The following NOTCH1 variants were observed in gnomAD, a reference collection of about 807,000 sequenced individuals.
NOTCH1 encodes notch receptor 1.
Under a neutral mutation model 254.8 loss-of-function variants are expected in NOTCH1, and 37 were observed. The observed-to-expected ratio is 0.15, with a 90% CI of 0.11 to 0.19. The LOEUF is 0.19. Ranked by LOEUF, NOTCH1 falls within the 10% of genes least tolerant of loss-of-function variation. The pLI, the probability that NOTCH1 is intolerant of heterozygous loss-of-function variation, is 1.00. For missense variants in NOTCH1, 2,972 were observed against 3,708.6 expected (o/e 0.80, Z 5.16); for synonymous variants, 1,731 against 1,618.1 (o/e 1.07, Z -1.68).
In NOTCH1 at chr9:136,509,749, G is replaced by A. The variant is rs2133350327; in HGVS notation, c.2953C>T (p.Pro985Ser). The stretch of plus-strand genomic sequence containing the variant: ...CCCGCACACCTCTCTGTGCAGTCAG[G>A]CGTGTTGTTCTCACAGTGGATCCCG... Reference protein sequence around the residue: ...FSGIHCENNTPDCTESSCFNG... With the variant: ...FSGIHCENNTSDCTESSCFNG... The change falls in exon 18 of 34, where the codon CCT becomes TCT. Residue 985 changes from proline (P) to serine (S), a missense_variant. Physicochemically the swap from Pro to Ser is moderately conservative, Grantham distance 74. Transcript: ENST00000651671. 6.2e-7 allele frequency: 1 copy of A among 1,612,918 alleles called. No homozygotes were observed.
At position 136,513,356 on chromosome 9, in the gene NOTCH1, C is replaced by T. The variant is rs1358961009; in HGVS notation, c.2353+36G>A. On this transcript the variant is annotated intron_variant, in intron 14 of 33. Transcript: ENST00000651671. This position sits in a 1 kb window ranked among gnomAD's most constrained non-coding sequence, Gnocchi z 4.7. The stretch of plus-strand genomic sequence containing the variant: ...GTCTCCAGCTCCCCAGACTCGAGGG[C>T]GGCCCTCTGCACTGAGAAACGCGCA... The T allele has an allele frequency of 7.4e-6, 12 of 1,611,762 alleles. No homozygotes were observed. The highest frequency in any genetic ancestry group is 1.0e-5 in the Non-Finnish European group (12 of 1,179,860).
chr9:136,499,245 G>C lies in NOTCH1; in HGVS notation c.5949C>G (p.Asn1983Lys), dbSNP rs2133323200. Residue 1983 changes from asparagine (N) to lysine (K), a missense_variant, in exon 32 of 34, where the codon AAC (asparagine) becomes AAG (lysine). Around this residue, in one of 8 missense-constraint regions of NOTCH1, gnomAD observed 421 missense variants for 604.4 expected, o/e 0.70. Coordinates refer to ENST00000651671, the MANE Select transcript of NOTCH1 (RefSeq NM_017617.5). The stretch of plus-strand genomic sequence containing the variant: ...TGCGGGCATCCAGGTCTGTGGCTCG[G>C]TTCCGGATCAGGATCTGGGCAACAG... Reference protein sequence around the residue: ...AQGVFQILIRNRATDLDARMH... With the variant: ...AQGVFQILIRKRATDLDARMH... The C allele has an allele frequency of 6.2e-7, 1 of 1,612,920 alleles. No homozygotes were observed. The highest frequency in any genetic ancestry group is 8.5e-7 in the Non-Finnish European group (1 of 1,179,998).
chr9:136,528,516 T>C (rs1589075791), intron 2 of NOTCH1, among the ~76,000 whole-genome samples: 1 of 91,158 alleles, frequency 1.1e-5, no homozygotes, highest in Non-Finnish European at 2.1e-5. Context: ...GTGAGGGGGA[T>C]GGGCAGGGAC....
Position 136,502,384 on chromosome 9 carries a change from G to C in NOTCH1, c.5272C>G (p.Arg1758Gly), listed in dbSNP as rs777859108. ...TGGCCATGCTGCCGCCGGCGCTTGC[G>C]GGACAGCAGCACCCCGCAGCCCACG... ...FFVGCGVLLS[R>G]KRRRQHGQLW... Residue 1758 changes from arginine (R) to glycine (G), a missense_variant, in exon 28 of 34, where the codon CGC (arginine) becomes GGC (glycine). By Grantham distance (125) the Arg-to-Gly change is moderately radical. Coordinates refer to ENST00000651671, the MANE Select transcript of NOTCH1 (RefSeq NM_017617.5). The C allele has an allele frequency of 6.2e-7, 1 of 1,612,224 alleles. No individual in the cohort carries two copies. The highest frequency in any genetic ancestry group is 1.1e-5 in the South Asian group (1 of 91,066).
intron 24 of NOTCH1, 111 bp from the exon 25 acceptor site, chr9:136,505,992 G>A (rs1470610644): frequency 1.0e-6 from 1 of 959,712 alleles, no homozygotes; most frequent in Non-Finnish European, 1.5e-6. Context: ...TAACCTGGGA[G>A]GCGGCCTGCA....
At chr9:136,524,410 G>T (rs1188772041) in intron 2 of NOTCH1, among the ~76,000 whole-genome samples, 1 of 152,180 alleles carries the variant, frequency 6.6e-6, no homozygotes, top group South Asian at 2.1e-4. Context: ...GCAGGGGTCT[G>T]GGTCTACACC....
intron 2 of NOTCH1, among the ~76,000 whole-genome samples, chr9:136,528,553 GT>G: frequency 2.0e-5 from 3 of 149,162 alleles, no homozygotes; most frequent in Admixed American, 6.6e-5. Context: ...GGGACAGTTG[GT>G]GGGACGGGCA....
Position 136,498,933 on chromosome 9 carries a change from T to C in NOTCH1, c.6146A>G (p.Lys2049Arg), listed in dbSNP as rs2133321606. 2 of 1,613,720 alleles carry C rather than the reference T, an allele frequency of 1.2e-6. No homozygotes were observed. The highest frequency in any genetic ancestry group is 1.7e-6 in the Non-Finnish European group (2 of 1,180,012). ...CTGCATATCTTTGTTAGCCCCGTTC[T>C]TCAGGAGCACAACTGCGGCATCCAC... ...NNVDAAVVLLKNGANKDMQNN... is the reference protein window; with the variant it reads ...NNVDAAVVLLRNGANKDMQNN... The change falls in exon 33 of 34, where the codon AAG becomes AGG. Residue 2049 changes from lysine (K) to arginine (R), a missense_variant. By Grantham distance (26) the Lys-to-Arg change is conservative (BLOSUM62 2). Transcript: ENST00000651671.
chr9:136,511,675 G>A (rs752035732), intron 15 of NOTCH1, among the ~76,000 whole-genome samples: 2 of 152,200 alleles, frequency 1.3e-5, no homozygotes, highest in Non-Finnish European at 2.9e-5. Flanking sequence ...TCTGGGTGAC[G>A]AGGAAAGGCC....
chr9:136,511,697 C>T (rs1843184306), intron 15 of NOTCH1, among the ~76,000 whole-genome samples: 1 of 152,224 alleles, frequency 6.6e-6, no homozygotes, highest in African/African-American at 2.4e-5. Context: ...TGGCCTGAGA[C>T]CGAGGCCTGA....
At chr9:136,518,929 G>GGA in intron 5 of NOTCH1, 105 bp from the exon 6 acceptor site, 5 of 943,454 alleles carry the variant, frequency 5.3e-6, no homozygotes, top group Non-Finnish European at 8.4e-6. Flanking sequence ...AAGCCTTCCT[G>GGA]GGCTGACTCC....
rs1414616532 is a variant in NOTCH1 at position 136,496,284 on chromosome 9, G to C, written c.7455C>G (p.Pro2485=). The C allele has an allele frequency of 6.3e-7, 1 of 1,598,390 alleles. No individual in the cohort carries two copies. Among genetic ancestry groups the C allele is most frequent in the East Asian group, 2.3e-5 (1 of 44,358 alleles). Residue 2485 remains proline, a synonymous_variant, in exon 34 of 34, where the codon CCC becomes CCG. Coordinates refer to ENST00000651671, the MANE Select transcript of NOTCH1 (RefSeq NM_017617.5). ...CAGGCGAGGAGTAGCTGTGCTGCGAGGGGGGCGTCAGGAACTGGGCTGCGG... is the reference window on the plus strand; with the variant it reads ...CAGGCGAGGAGTAGCTGTGCTGCGACGGGGGCGTCAGGAACTGGGCTGCGG... ...PVTAAQFLTP[P]SQHSYSSPVD...
At chr9:136,501,631 G>C (rs1226422353) in intron 30 of NOTCH1, 117 bp downstream of exon 30, 1 of 1,270,786 alleles carries the variant, frequency 7.9e-7, no homozygotes, top group East Asian at 2.5e-5. Context: ...AAGGATGAAA[G>C]CTCTCACCCC....
rs564135463 is a variant in NOTCH1 at position 136,499,390 on chromosome 9, G to A, written c.5935-131C>T. 176 of 1,355,656 alleles carry A rather than the reference G, an allele frequency of 1.3e-4. 1 individual carries two copies. The highest frequency in any genetic ancestry group is 2.5e-4 in the Middle Eastern group (1 of 3,930). 84.0% of individuals were successfully genotyped at this position (1,355,656 alleles called of 1,614,324 possible). On this transcript the variant is annotated intron_variant, in intron 31 of 33. Transcript: ENST00000651671. ...GACGAGACCCTCCTGAGATCGGCAC[G>A]GCCGGGCAAGACGAAACGCCATGGG... is the stretch of plus-strand genomic sequence containing the variant.
chr9:136,511,030 G>T, intron 16 of NOTCH1, 122 bp downstream of exon 16: 1 of 1,484,680 alleles, frequency 6.7e-7, no homozygotes, highest in Admixed American at 1.7e-5. Flanking sequence ...CTCCGACCAG[G>T]GCCTCCTCAG....
rs555814012 is a variant in NOTCH1 at position 136,527,352 on chromosome 9, G to A, written c.141-3373C>T. Among the ~76,000 whole-genome samples the A allele has an allele frequency of 1.4e-4, 21 of 152,376 alleles. No individual in the cohort carries two copies. The South Asian group carries it at 2.1e-3, about 15-fold the overall frequency. On this transcript the variant is annotated intron_variant, in intron 2 of 33. Coordinates refer to ENST00000651671, the MANE Select transcript of NOTCH1 (RefSeq NM_017617.5). ...CAGCTTTGGCGCTGGCCACACCCCC[G>A]GTACCCGGGCCACTCTGTCTTCAAT...
chr9:136,519,931 G>T (rs1490123399), intron 4 of NOTCH1, among the ~76,000 whole-genome samples: 1 of 152,220 alleles, frequency 6.6e-6, no homozygotes, highest in Non-Finnish European at 1.5e-5. Flanking sequence ...ATCTTCAGGG[G>T]CTGACACTGG....
At chr9:136,527,358 C>T (rs1234462087) in intron 2 of NOTCH1, among the ~76,000 whole-genome samples, 1 of 152,248 alleles carries the variant, frequency 6.6e-6, no homozygotes, top group Non-Finnish European at 1.5e-5. Context: ...CCCCGGTACC[C>T]GGGCCACTCT....
At chr9:136,498,764 G>T in intron 33 of NOTCH1, 135 bp downstream of exon 33, 1 of 987,134 alleles carries the variant, frequency 1.0e-6, no homozygotes, top group Non-Finnish European at 1.6e-6. Flanking sequence ...TGCGGGTGGG[G>T]CCCACATGCG....
Sources: gnomAD v4.1 joint callset for allele counts (sites outside exome capture counted in the v4.1 genomes callset) on GRCh38, gnomAD v4.1.1 for gene constraint, gnomAD v4.1.1 regional missense constraint, Gnocchi (gnomAD v3.1) non-coding constraint, MANE v1.5 for transcripts, NCBI Gene and HGNC (gene_info 2026-07-23, HGNC 2026-07-21) for gene names.